MACROD2: variants seen among roughly 807,000 people sequenced by gnomAD.
The protein encoded by MACROD2 is ADP-ribose glycohydrolase MACROD2.
MACROD2 carries 36 observed loss-of-function variants against 70.4 expected under a neutral mutation model. The observed-to-expected ratio is 0.51, with a 90% confidence interval of 0.39 to 0.68. The LOEUF (loss-of-function observed/expected upper bound fraction) is 0.68. Among genes scored for constraint, MACROD2 ranks in the 30% least tolerant of loss-of-function variants. MACROD2 has a pLI of 0.00. For missense variants in MACROD2, 496 were observed against 538.4 expected (o/e 0.92, Z 0.78); for synonymous variants, 172 against 178.8 (o/e 0.96, Z 0.30).
intron 6 of MACROD2, among the ~76,000 whole-genome samples, chr20:15,345,580 G>A (rs1362882728): frequency 6.6e-6 from 1 of 152,194 alleles, no homozygotes; most frequent in Non-Finnish European, 1.5e-5. Flanking sequence ...CAGTGATAAT[G>A]GAAATAGTCT....
chr20:15,245,579 G>A (rs1257434035), intron 6 of MACROD2, among the ~76,000 whole-genome samples: 1 of 152,048 alleles, frequency 6.6e-6, no homozygotes, highest in African/African-American at 2.4e-5. Flanking sequence ...GTTTTATGAT[G>A]GTGAGAAAGT....
chr20:14,088,787 A>C lies in MACROD2; in HGVS notation c.271+3059A>C, dbSNP rs1393076968. 2.0e-5 allele frequency among the ~76,000 whole-genome samples: 3 copies of C among 152,178 alleles called. No individual in the cohort carries two copies. In the East Asian group the frequency reaches 5.8e-4, roughly 29 times the overall value. On this transcript the variant is annotated intron_variant, in intron 3 of 17. Transcript: ENST00000684519. ...CATCTCCTTCTTAAAAATATTTAAT[A>C]CTGTGTATTTGTTAAATTGAATTAT...
At chr20:14,609,680 C>A (rs1367378633) in intron 4 of MACROD2, among the ~76,000 whole-genome samples, 1 of 152,060 alleles carries the variant, frequency 6.6e-6, no homozygotes, top group Non-Finnish European at 1.5e-5. Context: ...ACACAAATGG[C>A]CAGTTCTCAG....
At chr20:15,959,743 A>G (rs1445942817) in intron 12 of MACROD2, among the ~76,000 whole-genome samples, 1 of 152,106 alleles carries the variant, frequency 6.6e-6, no homozygotes, top group Non-Finnish European at 1.5e-5. Context: ...TATGTTGACC[A>G]GTCTGGTCTT....
At chr20:14,507,838 C>A (rs6042768) in intron 4 of MACROD2, among the ~76,000 whole-genome samples, 3,749 of 152,126 alleles carry the variant, frequency 0.025, 147 homozygotes, top group African/African-American at 0.085. Flanking sequence ...TGATTGAGTG[C>A]GCTGGCCTGT....
chr20:14,129,212 G>T (rs1394202863), intron 3 of MACROD2, among the ~76,000 whole-genome samples: 1 of 152,158 alleles, frequency 6.6e-6, no homozygotes, highest in East Asian at 1.9e-4. Flanking sequence ...ATGGAAGGAG[G>T]TCACAATATT....
At chr20:14,987,330 G>T (rs888493194) in intron 5 of MACROD2, among the ~76,000 whole-genome samples, 4 of 152,110 alleles carry the variant, frequency 2.6e-5, no homozygotes, top group African/African-American at 9.7e-5. Context: ...GGATAAAGCG[G>T]TTAACACAAT....
chr20:15,908,382 AG>A (rs1290774682), intron 10 of MACROD2, among the ~76,000 whole-genome samples: 1 of 152,194 alleles, frequency 6.6e-6, no homozygotes, highest in African/African-American at 2.4e-5. Flanking sequence ...TTCTCTTCTC[AG>A]GCCTATGGGT....
intron 3 of MACROD2, among the ~76,000 whole-genome samples, chr20:14,339,656 T>C (rs9967919): frequency 0.071 from 10,870 of 152,242 alleles, 632 homozygotes; most frequent in African/African-American, 0.16. Flanking sequence ...GTTTCCCTTC[T>C]CTGGGCTGCC....
chr20:15,985,439 T>C (rs2095850), intron 13 of MACROD2, among the ~76,000 whole-genome samples: 115,810 of 152,152 alleles, frequency 0.76, 44,312 homozygotes, highest in Non-Finnish European at 0.79. Context: ...GCAGGCACAC[T>C]GTGGGTGATC....
intron 3 of MACROD2, among the ~76,000 whole-genome samples, chr20:14,382,941 A>G (rs1429624473): frequency 1.3e-5 from 2 of 152,222 alleles, no homozygotes; most frequent in Non-Finnish European, 2.9e-5. Flanking sequence ...CCAAATAAAT[A>G]TGTAACAACT....
At chr20:14,134,172 T>C (rs2148701381) in intron 3 of MACROD2, among the ~76,000 whole-genome samples, 1 of 152,292 alleles carries the variant, frequency 6.6e-6, no homozygotes. Context: ...GAACTCACCA[T>C]TTAATATGAA....
At chr20:15,425,557 A>G (rs1310699948) in intron 6 of MACROD2, among the ~76,000 whole-genome samples, 1 of 152,218 alleles carries the variant, frequency 6.6e-6, no homozygotes, top group Non-Finnish European at 1.5e-5. Context: ...AAAACTGACT[A>G]AACAGTAAGG....
At chr20:15,375,158 G>A (rs1455560557) in intron 6 of MACROD2, among the ~76,000 whole-genome samples, 1 of 152,114 alleles carries the variant, frequency 6.6e-6, no homozygotes, top group Non-Finnish European at 1.5e-5. Context: ...ATTTAACTCA[G>A]AAAGTCCATC....
Position 15,333,633 on chromosome 20 carries a change from G to A in MACROD2, c.541-97772G>A, listed in dbSNP as rs535149002. 1.5e-3 allele frequency among the ~76,000 whole-genome samples: 227 copies of A among 151,618 alleles called. 1 individual carries two copies. The highest frequency in any genetic ancestry group is 3.2e-4 in the Non-Finnish European group (22 of 67,980). ...TGATGCAGGGCTTTGGTCCACTTAT[G>A]GGGCTTCTCTAGGACTCAGTTTCCT... On this transcript the variant is annotated intron_variant, in intron 6 of 17. Coordinates refer to ENST00000684519, the MANE Select transcript of MACROD2 (RefSeq NM_001351661.2).
intron 15 of MACROD2, among the ~76,000 whole-genome samples, chr20:16,002,974 T>G (rs893733451): frequency 6.6e-5 from 10 of 152,042 alleles, no homozygotes; most frequent in African/African-American, 2.2e-4. Flanking sequence ...CAGTTGCACT[T>G]TCAATGATGT....
chr20:15,167,071 A>T (rs2145882681), intron 5 of MACROD2, among the ~76,000 whole-genome samples: 1 of 152,050 alleles, frequency 6.6e-6, no homozygotes, highest in South Asian at 2.1e-4. Flanking sequence ...GTCTACATAG[A>T]GCAAAAAGAA....
At chr20:15,976,292 C>G (rs1234301451) in intron 13 of MACROD2, among the ~76,000 whole-genome samples, 1 of 152,012 alleles carries the variant, frequency 6.6e-6, no homozygotes, top group African/African-American at 2.4e-5. Context: ...ATCATGTGAT[C>G]TATTTCTAAA....
At chr20:14,776,986 A>G (rs2072242402) in intron 5 of MACROD2, among the ~76,000 whole-genome samples, 1 of 152,056 alleles carries the variant, frequency 6.6e-6, no homozygotes, top group Admixed American at 6.6e-5. Context: ...CATGTTTTGC[A>G]TGTAGTCATG....
Sources: allele counts gnomAD v4.1 joint callset (sites outside exome capture counted in the v4.1 genomes callset), GRCh38; gene constraint gnomAD v4.1.1; transcripts MANE v1.5; gene names NCBI Gene and HGNC (gene_info 2026-07-23, HGNC 2026-07-21).